The following DOCK4 variants were observed in gnomAD, a reference collection of about 807,000 sequenced individuals.
DOCK4 encodes dedicator of cytokinesis protein 4.
A neutral mutation model predicts 268.1 loss-of-function variants in DOCK4; 97 were observed. That is an observed-to-expected ratio of 0.36 (90% CI 0.31 to 0.43). DOCK4 has a LOEUF of 0.43. Ranked by LOEUF, DOCK4 falls within the 20% of genes least tolerant of loss-of-function variation. The pLI, the probability that DOCK4 is intolerant of heterozygous loss-of-function variation, is 1.00. For synonymous variants in DOCK4, 954 were observed against 887.2 expected (o/e 1.08, Z -1.34); for missense variants, 2,145 against 2,455.7 (o/e 0.87, Z 2.67).
At chr7:112,069,914 C>A (rs1807433739) in intron 1 of DOCK4, among the ~76,000 whole-genome samples, 1 of 152,044 alleles carries the variant, frequency 6.6e-6, no homozygotes, top group Non-Finnish European at 1.5e-5. Context: ...GCACGTGCAG[C>A]CATGGGAAGA....
At chr7:112,020,809 T>G (rs1176696956) in intron 1 of DOCK4, among the ~76,000 whole-genome samples, 5 of 152,138 alleles carry the variant, frequency 3.3e-5, no homozygotes, top group Admixed American at 2.6e-4. Context: ...TGGCTTTAGA[T>G]GTTTCTTTCA....
At chr7:111,747,995 CAAGAT>C (rs1451759510) in intron 42 of DOCK4, among the ~76,000 whole-genome samples, 2 of 152,050 alleles carry the variant, frequency 1.3e-5, no homozygotes, top group Admixed American at 1.3e-4. Flanking sequence ...TTATAGAAAA[CAAGAT>C]AATATATACT....
chr7:111,886,725 C>T (rs1807877915), intron 16 of DOCK4, among the ~76,000 whole-genome samples: 1 of 152,032 alleles, frequency 6.6e-6, no homozygotes, highest in Non-Finnish European at 1.5e-5. Flanking sequence ...GGAATGGATC[C>T]TGGAACAGAA....
chr7:112,118,206 C>T (rs1005220193), intron 1 of DOCK4, among the ~76,000 whole-genome samples: 9 of 151,526 alleles, frequency 5.9e-5, no homozygotes, highest in Non-Finnish European at 1.0e-4. Context: ...AGAATAACAA[C>T]AGAACCATGG....
chr7:111,823,818 T>A (rs1390383802), intron 26 of DOCK4, among the ~76,000 whole-genome samples: 2 of 152,216 alleles, frequency 1.3e-5, no homozygotes, highest in Admixed American at 1.3e-4. Flanking sequence ...TCAAATACAA[T>A]GACACATTAC....
chr7:112,177,100 T>C (rs1818601294), intron 1 of DOCK4, among the ~76,000 whole-genome samples: 1 of 152,096 alleles, frequency 6.6e-6, no homozygotes, highest in Non-Finnish European at 1.5e-5. Context: ...CTAGAACAAG[T>C]AGTTGGGGAG....
chr7:112,065,566 T>C (rs1183045485), intron 1 of DOCK4, among the ~76,000 whole-genome samples: 1 of 148,862 alleles, frequency 6.7e-6, no homozygotes, highest in African/African-American at 2.5e-5. Flanking sequence ...GCCTACTAGA[T>C]GGTGCTCAGC....
chr7:112,146,759 C>T (rs568908289), intron 1 of DOCK4, among the ~76,000 whole-genome samples: 1 of 152,186 alleles, frequency 6.6e-6, no homozygotes, highest in East Asian at 1.9e-4. Flanking sequence ...AGAGGAAGAA[C>T]ATTTTACAGA....
intron 23 of DOCK4, among the ~76,000 whole-genome samples, chr7:111,851,958 CTT>C (rs35969396): frequency 2.4e-5 from 3 of 124,960 alleles, no homozygotes; most frequent in South Asian, 2.6e-4. Flanking sequence ...TCTCTCCTTC[CTT>C]TTTTTTTTTT....
chr7:111,771,562 C>T (rs1798127355), intron 36 of DOCK4, among the ~76,000 whole-genome samples: 1 of 152,184 alleles, frequency 6.6e-6, no homozygotes, highest in African/African-American at 2.4e-5. Context: ...GAAGACTACT[C>T]TGATTGCACA....
In DOCK4 at chr7:111,747,318, C is replaced by A; in HGVS notation, c.4542G>T (p.Leu1514=). ...TAACTGCAGCATCTATAACTCCATT[C>A]AGGCACATAGTCAGGGGATTAATAT... The part of the protein sequence containing the change: ...MQNINPLTMC[L]NGVIDAAVNG... The change falls in exon 43 of 53, where the codon CTG becomes CTT. Residue 1514 remains leucine, a synonymous_variant. Transcript: ENST00000428084. 6.2e-7 allele frequency: 1 copy of A among 1,613,726 alleles called. No homozygotes were observed. Among genetic ancestry groups the A allele is most frequent in the Non-Finnish European group, 8.5e-7 (1 of 1,179,806 alleles).
chr7:111,972,450 T>C (rs978314277), intron 8 of DOCK4, among the ~76,000 whole-genome samples: 41 of 152,180 alleles, frequency 2.7e-4, no homozygotes, highest in African/African-American at 7.5e-4. Flanking sequence ...GGCAGATGGT[T>C]AGTGCTCAAT....
chr7:112,040,778 G>A (rs1804282857), intron 1 of DOCK4, among the ~76,000 whole-genome samples: 2 of 152,110 alleles, frequency 1.3e-5, no homozygotes, highest in Non-Finnish European at 2.9e-5. Flanking sequence ...AATGAAAGGA[G>A]CAGATTCTAA....
intron 1 of DOCK4, among the ~76,000 whole-genome samples, chr7:112,107,874 G>A (rs1279194531): frequency 2.0e-5 from 3 of 152,216 alleles, no homozygotes; most frequent in African/African-American, 7.2e-5. Flanking sequence ...AAGGAAGACA[G>A]GGCCTAGTAA....
At position 112,206,195 on chromosome 7, in the gene DOCK4, T is replaced by C. The variant is rs1408219012; in HGVS notation, c.-57A>G. 76 of 1,528,802 alleles carry C rather than the reference T, an allele frequency of 5.0e-5. No homozygotes were observed. Among genetic ancestry groups the C allele is most frequent in the Non-Finnish European group, 6.6e-5 (74 of 1,125,850 alleles). 94.7% of individuals were successfully genotyped at this position (1,528,802 alleles called of 1,614,324 possible). On this transcript the variant is annotated 5_prime_UTR_variant, in exon 1 of 53. Transcript: ENST00000428084. The stretch of plus-strand genomic sequence containing the variant: ...GTAATCCCCGCGCCCCTTCTCCGGC[T>C]CACAACAATGCACAGTCCCCGAGCA...
intron 2 of DOCK4, among the ~76,000 whole-genome samples, chr7:112,001,166 A>G (rs1347917080): frequency 6.6e-6 from 1 of 152,204 alleles, no homozygotes; most frequent in Non-Finnish European, 1.5e-5. Flanking sequence ...AGCTCAGCGT[A>G]ATTTTTATTC....
rs778636728 is a variant in DOCK4, at chr7:111,728,566, T to G, written c.5636A>C (p.Asn1879Thr). The G allele has an allele frequency of 1.9e-6, 3 of 1,614,002 alleles. No homozygotes were observed. Among genetic ancestry groups the G allele is most frequent in the Non-Finnish European group, 2.5e-6 (3 of 1,179,888 alleles). ...CACCGGCAGGGGGGCCGACTGTTCA[T>G]TCACCTGATTTTCAAAGCCTGAGGT... ...SETSGFENQVNEQSAPLPVPV... is the reference protein window; with the variant it reads ...SETSGFENQVTEQSAPLPVPV... Residue 1879 changes from asparagine to threonine, a missense_variant, in exon 53 of 53, where the codon AAT (asparagine) becomes ACT (threonine). Asn to Thr is a moderately conservative substitution (Grantham distance 65). Transcript: ENST00000428084.
chr7:111,737,627 AT>A (rs1337631679), intron 49 of DOCK4, among the ~76,000 whole-genome samples: 3 of 152,242 alleles, frequency 2.0e-5, no homozygotes, highest in Non-Finnish European at 2.9e-5. Flanking sequence ...CCAGTTTTAC[AT>A]GGTTTTACCT....
At chr7:111,886,430 C>T (rs2134321152) in intron 16 of DOCK4, among the ~76,000 whole-genome samples, 1 of 152,304 alleles carries the variant, frequency 6.6e-6, no homozygotes, top group South Asian at 2.1e-4. Flanking sequence ...CACTGCATGT[C>T]TGATCTCCAC....
Sources: gnomAD v4.1 joint callset for allele counts (sites outside exome capture counted in the v4.1 genomes callset) on GRCh38, gnomAD v4.1.1 for gene constraint, MANE v1.5 for transcripts, NCBI Gene and HGNC (gene_info 2026-07-23, HGNC 2026-07-21) for gene names.